GRIK2: variants seen among roughly 807,000 people sequenced by gnomAD.
GRIK2 encodes the protein glutamate ionotropic receptor kainate type subunit 2.
GRIK2 carries 32 observed loss-of-function variants against 100.3 expected under a neutral mutation model. That is an observed-to-expected ratio of 0.32 (90% confidence interval 0.24 to 0.43). The LOEUF (loss-of-function observed/expected upper bound fraction) is 0.43. Ranked by LOEUF, GRIK2 falls within the 20% of genes least tolerant of loss-of-function variation. The pLI, the probability that GRIK2 is intolerant of heterozygous loss-of-function variation, is 1.00. For missense variants in GRIK2, 843 were observed against 1,114.9 expected (o/e 0.76, Z 3.47); for synonymous variants, 417 against 389.4 (o/e 1.07, Z -0.83).
chr6:102,068,211 T>C (rs1428339289), intron 16 of GRIK2, 136 bp from the exon 17 acceptor site: 3 of 614,284 alleles, frequency 4.9e-6, no homozygotes, highest in Admixed American at 3.2e-5. Context: ...ACATTTGTTA[T>C]AACTTTTACA....
intron 7 of GRIK2, among the ~76,000 whole-genome samples, chr6:101,736,118 G>A (rs930476891): frequency 1.3e-5 from 2 of 152,166 alleles, no homozygotes; most frequent in Non-Finnish European, 2.9e-5. Context: ...TGTAAGATGT[G>A]GGTTCCCATG....
intron 11 of GRIK2, among the ~76,000 whole-genome samples, chr6:101,861,601 A>G (rs1233434628): frequency 6.6e-6 from 1 of 152,166 alleles, no homozygotes; most frequent in Non-Finnish European, 1.5e-5. Flanking sequence ...AGAAAAACAA[A>G]ACAAATAATA....
At chr6:101,672,188 C>G (rs796780646) in intron 4 of GRIK2, among the ~76,000 whole-genome samples, 27 of 152,262 alleles carry the variant, frequency 1.8e-4, no homozygotes, top group African/African-American at 6.5e-4. Flanking sequence ...CCGCACAACC[C>G]TTCTGAAACT....
chr6:101,961,620 A>G (rs6923395), intron 14 of GRIK2, among the ~76,000 whole-genome samples: 7,375 of 152,104 alleles, frequency 0.048, 367 homozygotes, highest in African/African-American at 0.12. Flanking sequence ...TTTCTCATGC[A>G]ATGGGCGCAG....
At chr6:101,799,086 A>G (rs923505004) in intron 7 of GRIK2, among the ~76,000 whole-genome samples, 2 of 152,154 alleles carry the variant, frequency 1.3e-5, no homozygotes, top group African/African-American at 2.4e-5. Flanking sequence ...ACTTTTGAAA[A>G]TTTAAGTTGA....
At chr6:101,740,787 G>A (rs1775976115) in intron 7 of GRIK2, among the ~76,000 whole-genome samples, 1 of 152,132 alleles carries the variant, frequency 6.6e-6, no homozygotes, top group South Asian at 2.1e-4. Context: ...GCAAGAGGGG[G>A]TGGTGCCAGG....
intron 10 of GRIK2, among the ~76,000 whole-genome samples, chr6:101,858,038 C>T (rs1423238012): frequency 6.6e-6 from 1 of 152,166 alleles, no homozygotes; most frequent in Non-Finnish European, 1.5e-5. Context: ...TAGACTCTTT[C>T]TCATCTGTTG....
intron 7 of GRIK2, among the ~76,000 whole-genome samples, chr6:101,690,454 T>G (rs529770990): frequency 6.6e-6 from 1 of 152,232 alleles, no homozygotes; most frequent in East Asian, 1.9e-4. Flanking sequence ...TTAACTACAT[T>G]CATCTTTTCA....
chr6:101,794,992 A>G (rs1382810669), intron 7 of GRIK2, among the ~76,000 whole-genome samples: 1 of 151,870 alleles, frequency 6.6e-6, no homozygotes, highest in African/African-American at 2.4e-5. Flanking sequence ...TAGCCTCACA[A>G]GTAGCTGGAA....
chr6:101,695,218 G>A (rs1053062399), intron 7 of GRIK2, among the ~76,000 whole-genome samples: 6 of 152,044 alleles, frequency 3.9e-5, no homozygotes, highest in Non-Finnish European at 7.4e-5. Flanking sequence ...TTCCAAGACG[G>A]CACCCTCTTA....
rs561157496 is a variant in GRIK2, at chr6:101,695,931, T to C, written c.951+9578T>C. 1.4e-4 allele frequency among the ~76,000 whole-genome samples: 22 copies of C among 152,226 alleles called. No individual in the cohort carries two copies. The East Asian group carries it at 4.3e-3, about 29-fold the overall frequency. On this transcript the variant is annotated intron_variant, in intron 7 of 16. Coordinates refer to ENST00000369134, the MANE Select transcript of GRIK2 (RefSeq NM_021956.5). ...GAAAGTGAAACACAGAATTGTTGTA[T>C]GGGTACTTGAAGTACAATTTCTACT... is the stretch of plus-strand genomic sequence containing the variant.
chr6:101,428,567 A>G (rs762654662), intron 2 of GRIK2, among the ~76,000 whole-genome samples: 3 of 152,240 alleles, frequency 2.0e-5, no homozygotes, highest in African/African-American at 7.2e-5. Context: ...AAAAAACTAT[A>G]TTGAAATAAA....
chr6:101,575,068 G>A (rs1582748041), intron 2 of GRIK2, among the ~76,000 whole-genome samples: 1 of 151,500 alleles, frequency 6.6e-6, no homozygotes, highest in Non-Finnish European at 1.5e-5. Flanking sequence ...ATTGTCATAT[G>A]ATTTATTCAT....
chr6:101,867,367 A>T (rs2128446702), intron 11 of GRIK2, among the ~76,000 whole-genome samples: 1 of 73,722 alleles, frequency 1.4e-5, no homozygotes, highest in African/African-American at 6.3e-5. Context: ...AACATTTTTT[A>T]AAAGGGCTAA....
At position 101,799,672 on chromosome 6, in the gene GRIK2, G is replaced by A. The variant is rs770894370; in HGVS notation, c.976G>A (p.Ala326Thr). 3 of 1,613,090 alleles carry A rather than the reference G, an allele frequency of 1.9e-6. No homozygotes were observed. Among genetic ancestry groups the A allele is most frequent in the Non-Finnish European group, 2.5e-6 (3 of 1,179,206 alleles). The change falls in exon 8 of 17, where the codon GCT (alanine) becomes ACT (threonine). Residue 326 changes from alanine (A) to threonine (T), a missense_variant. Physicochemically the swap from Ala to Thr is moderately conservative, Grantham distance 58. This residue lies in a region of GRIK2 where 519 missense variants were observed against 643.8 expected (regional missense o/e 0.81). Coordinates refer to ENST00000369134, the MANE Select transcript of GRIK2 (RefSeq NM_021956.5). Reference protein sequence around the residue: ...MTTDAALMYDAVHVVSVAVQQ... With the variant: ...MTTDAALMYDTVHVVSVAVQQ... ...GACTGATGCTGCTCTAATGTATGAT[G>A]CTGTGCATGTGGTGTCTGTGGCCGT...
intron 10 of GRIK2, among the ~76,000 whole-genome samples, chr6:101,839,019 G>C (rs1436624138): frequency 1.3e-5 from 2 of 151,078 alleles, no homozygotes; most frequent in African/African-American, 4.9e-5. Context: ...GGCTCTTTTT[G>C]ATGCCAGGTT....
chr6:101,885,755 TA>T (rs1468325859), intron 11 of GRIK2, among the ~76,000 whole-genome samples: 1 of 152,102 alleles, frequency 6.6e-6, no homozygotes, highest in African/African-American at 2.4e-5. Context: ...ATATATAATT[TA>T]TTTTTTAGTG....
chr6:101,957,002 T>C (rs1377763763), intron 14 of GRIK2, among the ~76,000 whole-genome samples: 1 of 151,824 alleles, frequency 6.6e-6, no homozygotes, highest in Non-Finnish European at 1.5e-5. Context: ...TTCCTTTGGG[T>C]ATATACCCAG....
intron 4 of GRIK2, among the ~76,000 whole-genome samples, chr6:101,670,743 G>T (rs1562298504): frequency 6.6e-6 from 1 of 152,068 alleles, no homozygotes; most frequent in Non-Finnish European, 1.5e-5. Flanking sequence ...AATAGAGATA[G>T]TAGCTAGTAC....
Sources: allele counts gnomAD v4.1 joint callset (sites outside exome capture counted in the v4.1 genomes callset), GRCh38; gene constraint gnomAD v4.1.1; regional missense constraint gnomAD v4.1.1; transcripts MANE v1.5; gene names NCBI Gene and HGNC (gene_info 2026-07-23, HGNC 2026-07-21).